Variants in SERINC5 observed in about 807,000 individuals in gnomAD.
SERINC5 encodes the protein serine incorporator 5.
A neutral mutation model predicts 63.1 loss-of-function variants in SERINC5; 41 were observed. The ratio of observed to expected loss-of-function variants is 0.65; its 90% confidence interval spans 0.51 to 0.84. SERINC5 has a LOEUF of 0.84. SERINC5 is among the 40% of genes least tolerant of loss of function. The probability of loss-of-function intolerance (pLI) is 0.00; values close to 1 mark genes in which losing one functional copy is unlikely to be tolerated. For synonymous variants in SERINC5, 222 were observed against 215.2 expected, an observed-to-expected ratio of 1.03 and a Z score of -0.28; for missense variants, 523 against 573.0, an observed-to-expected ratio of 0.91 and a Z score of 0.89.
chr5:80,238,198 A>G (rs1426705252), intron 1 of SERINC5, among the ~76,000 whole-genome samples: 1 of 151,900 alleles, frequency 6.6e-6, no homozygotes. Context: ...GAAATAATTT[A>G]CAGCTTCATG....
intron 1 of SERINC5, among the ~76,000 whole-genome samples, chr5:80,243,495 T>C (rs1438089159): frequency 6.6e-6 from 1 of 151,822 alleles, no homozygotes; most frequent in Admixed American, 6.6e-5. Flanking sequence ...CAAACACAGA[T>C]GCACACTGAA....
chr5:80,237,857 A>C (rs1751767976), intron 1 of SERINC5, among the ~76,000 whole-genome samples: 2 of 152,006 alleles, frequency 1.3e-5, no homozygotes, highest in South Asian at 4.2e-4. Context: ...TAATCCCAGC[A>C]CTTTGGGGAG....
intron 1 of SERINC5, among the ~76,000 whole-genome samples, chr5:80,228,726 G>C (rs1751285839): frequency 6.6e-6 from 1 of 152,052 alleles, no homozygotes; most frequent in African/African-American, 2.4e-5. Context: ...ACCATGCCCA[G>C]CCAGGACAAA....
rs199611140 is a variant in SERINC5 at position 80,224,946 on chromosome 5, T to G, written c.28-21893A>C. 5.3e-3 allele frequency among the ~76,000 whole-genome samples: 178 copies of G among 33,572 alleles called. 1 individual carries two copies. The highest frequency in any genetic ancestry group is 0.011 in the Admixed American group (34 of 3,046). The allele number at this position is 33,572 out of a possible 152,430, so 22.0% of individuals were successfully genotyped here. On this transcript the variant is annotated intron_variant, in intron 1 of 11. Coordinates refer to ENST00000507668, the MANE Select transcript of SERINC5 (RefSeq NM_001174072.3). Reference sequence around the variant, plus strand: ...GCGTTTTTTTTTTTGTTTTTTTTTGTTTTTTTTTTTTTTAGACAAGTTTTG... The same window carrying G: ...GCGTTTTTTTTTTTGTTTTTTTTTGGTTTTTTTTTTTTTAGACAAGTTTTG...
chr5:80,202,777 T>C (rs1358673953), intron 2 of SERINC5, 109 bp downstream of exon 2: 3 of 1,070,588 alleles, frequency 2.8e-6, no homozygotes, highest in African/African-American at 1.6e-5. Flanking sequence ...AAACCAGGTA[T>C]ACCCCAAAAC....
rs139351667 is a variant in SERINC5, at chr5:80,207,590, G to C, written c.28-4537C>G. ...GGTTTAACCCTATTCTGTCATTAAA[G>C]TCATATGCCATTGTATGGATCTGAT... On this transcript the variant is annotated intron_variant, in intron 1 of 11. Coordinates refer to ENST00000507668, the MANE Select transcript of SERINC5 (RefSeq NM_001174072.3). Among the ~76,000 whole-genome samples, 770 of 152,258 alleles carry C rather than the reference G, an allele frequency of 5.1e-3. 4 individuals carry two copies. The highest frequency in any genetic ancestry group is 8.3e-3 in the Non-Finnish European group (563 of 68,028).
chr5:80,199,816 C>G (rs1749719726), intron 2 of SERINC5, among the ~76,000 whole-genome samples: 1 of 152,154 alleles, frequency 6.6e-6, no homozygotes, highest in Non-Finnish European at 1.5e-5. Flanking sequence ...AACCAGTGCA[C>G]AGCAGAGTTC....
downstream of SERINC5, among the ~76,000 whole-genome samples, chr5:80,135,258 T>C (rs1202735247): frequency 1.3e-5 from 2 of 152,176 alleles, no homozygotes; most frequent in African/African-American, 4.8e-5. Context: ...GGTCTTGAAC[T>C]CCCAGCCTCA....
intron 11 of SERINC5, among the ~76,000 whole-genome samples, chr5:80,133,008 T>C (rs725172): frequency 0.089 from 13,492 of 152,192 alleles, 741 homozygotes; most frequent in African/African-American, 0.15. Context: ...TGGGGCCTGG[T>C]GGGAGGTGTC....
At chr5:80,196,042 A>T (rs4704629) in intron 2 of SERINC5, among the ~76,000 whole-genome samples, 1 of 152,040 alleles carries the variant, frequency 6.6e-6, no homozygotes, top group African/African-American at 2.4e-5. Context: ...TGGCATGGCC[A>T]AATCACCGTG....
intron 8 of SERINC5, among the ~76,000 whole-genome samples, chr5:80,155,664 G>A (rs1464888296): frequency 1.3e-5 from 2 of 151,966 alleles, no homozygotes; most frequent in African/African-American, 2.4e-5. Flanking sequence ...CAGCTACTTG[G>A]GAGGCTGAGG....
At chr5:80,173,618 A>G (rs1263082408) in intron 5 of SERINC5, among the ~76,000 whole-genome samples, 2 of 151,758 alleles carry the variant, frequency 1.3e-5, no homozygotes. Context: ...AAGAAAAGAA[A>G]AGAACAAAAG....
chr5:80,203,109 A>G, intron 1 of SERINC5, 56 bp from the exon 2 acceptor site: 1 of 1,497,210 alleles, frequency 6.7e-7, no homozygotes, highest in Non-Finnish European at 9.1e-7. Context: ...TAGAATAAGA[A>G]ACATGGCCAG....
rs115987974 is a variant in SERINC5, at chr5:80,224,421, G to A, written c.28-21368C>T. Among the ~76,000 whole-genome samples, 1,009 of 152,122 alleles carry A rather than the reference G, an allele frequency of 6.6e-3. 6 individuals carry two copies. Among genetic ancestry groups the A allele is most frequent in the Middle Eastern group, 0.024 (7 of 294 alleles). On this transcript the variant is annotated intron_variant, in intron 1 of 11. Coordinates refer to ENST00000507668, the MANE Select transcript of SERINC5 (RefSeq NM_001174072.3). ...GAGCCCAGGAGGTCGAGGCTGCAAT[G>A]AGCAGATACTGCACCACTGCACTCC... is the stretch of plus-strand genomic sequence containing the variant.
chr5:80,132,710 C>T (rs761870746), intron 11 of SERINC5, among the ~76,000 whole-genome samples: 9 of 152,090 alleles, frequency 5.9e-5, no homozygotes, highest in Non-Finnish European at 8.8e-5. Context: ...AGTGATCCTC[C>T]TACCTCGGCC....
chr5:80,148,788 A>T (rs1041764187), intron 9 of SERINC5, among the ~76,000 whole-genome samples: 1 of 152,214 alleles, frequency 6.6e-6, no homozygotes, highest in Non-Finnish European at 1.5e-5. Flanking sequence ...TATTTCAACT[A>T]CAAAGAACAG....
chr5:80,132,954 C>T (rs924158714), intron 11 of SERINC5, among the ~76,000 whole-genome samples: 1 of 152,120 alleles, frequency 6.6e-6, no homozygotes, highest in Non-Finnish European at 1.5e-5. Context: ...TGATATTTGT[C>T]CCTCCCAAAT....
At chr5:80,214,100 A>C (rs1451421761) in intron 1 of SERINC5, among the ~76,000 whole-genome samples, 1 of 152,208 alleles carries the variant, frequency 6.6e-6, no homozygotes, top group Non-Finnish European at 1.5e-5. Context: ...AATATAATAC[A>C]CCCACTGAAA....
chr5:80,150,031 A>G lies in SERINC5; in HGVS notation c.1053+851T>C, dbSNP rs191127607. On this transcript the variant is annotated intron_variant, in intron 9 of 11. Coordinates refer to ENST00000507668, the MANE Select transcript of SERINC5 (RefSeq NM_001174072.3). ...CAGGCAACCAATGTATGTATTGTCC[A>G]TAACACTCTACCTGACAAAACGCCC... Among the ~76,000 whole-genome samples, 235 of 152,362 alleles carry G rather than the reference A, an allele frequency of 1.5e-3. 1 individual carries two copies. The highest frequency in any genetic ancestry group is 5.1e-3 in the African/African-American group (214 of 41,576).
Sources: gnomAD v4.1 joint callset for allele counts (sites outside exome capture counted in the v4.1 genomes callset) on GRCh38, gnomAD v4.1.1 for gene constraint, MANE v1.5 for transcripts, NCBI Gene and HGNC (gene_info 2026-07-23, HGNC 2026-07-21) for gene names.